Variants in RNF213 observed in about 807,000 individuals in gnomAD.
RNF213 encodes the protein ring finger protein 213.
Under a neutral mutation model 514.4 loss-of-function variants are expected in RNF213, and 341 were observed. That is an observed-to-expected ratio of 0.66 (90% CI 0.61 to 0.73). The LOEUF (loss-of-function observed/expected upper bound fraction) is 0.73, where lower values mean the gene tolerates loss of function less well. Among genes scored for constraint, RNF213 ranks in the 30% least tolerant of loss-of-function variants. The probability of loss-of-function intolerance (pLI) is 0.00; values close to 1 mark genes in which losing one functional copy is unlikely to be tolerated. For missense variants in RNF213, 5,767 were observed against 6,615.6 expected, an observed-to-expected ratio of 0.87 and a Z score of 4.45; for synonymous variants, 2,655 against 2,658.2, an observed-to-expected ratio of 1.00 and a Z score of 0.04.
At chr17:80,371,714 TA>T in intron 46 of RNF213, 159 bp from the exon 47 acceptor site, 1 of 585,922 alleles carries the variant, frequency 1.7e-6, no homozygotes, top group Non-Finnish European at 3.1e-6. Context: ...AGTATTATGC[TA>T]AAAGGTTTTC....
Position 80,369,492 on chromosome 17 carries a change from G to A in RNF213, c.12156-10G>A, listed in dbSNP as rs370576785. ...ACCATCCACCTGTCTTCTGTTTCTC[G>A]TGTTCTAAGGGAAGCCATTGAAAAG... On this transcript the variant is annotated splice_polypyrimidine_tract_variant and intron_variant, in intron 44 of 67. Transcript: ENST00000582970. 3.4e-4 allele frequency: 548 copies of A among 1,612,414 alleles called. No individual in the cohort carries two copies. The highest frequency in any genetic ancestry group is 4.1e-4 in the Non-Finnish European group (487 of 1,179,856).
At chr17:80,273,444 T>C (rs2043898252) in intron 3 of RNF213, 40 bp downstream of exon 3, 1 of 1,608,346 alleles carries the variant, frequency 6.2e-7, no homozygotes, top group African/African-American at 1.3e-5. Context: ...CCCCGCTCAC[T>C]CTGCCCAGGA....
At chr17:80,392,025 C>T (rs182387730) in intron 67 of RNF213, among the ~76,000 whole-genome samples, 69 of 152,120 alleles carry the variant, frequency 4.5e-4, no homozygotes, top group Middle Eastern at 6.8e-3. Context: ...GTCTCGGCCT[C>T]CCAAAGTGCT....
chr17:80,348,013 C>G lies in RNF213; in HGVS notation c.9678C>G (p.Cys3226Trp). The G allele has an allele frequency of 6.2e-7, 1 of 1,614,216 alleles. No homozygotes were observed. Residue 3226 changes from cysteine (C) to tryptophan (W), a missense_variant, in exon 29 of 68, where the codon TGC becomes TGG. Around this residue, in one of 13 missense-constraint regions of RNF213, gnomAD observed 919 missense variants for 1,121.0 expected, o/e 0.82. Transcript: ENST00000582970. ...TCATCGGCTACCACTCGGACGCCTGCGCGTCTGTGGTGCTGCAGGTCATAG... is the reference window on the plus strand; with the variant it reads ...TCATCGGCTACCACTCGGACGCCTGGGCGTCTGTGGTGCTGCAGGTCATAG... Reference protein sequence around the residue: ...DVFIGYHSDACASVVLQVIER... With the variant: ...DVFIGYHSDAWASVVLQVIER...
Position 80,389,815 on chromosome 17 carries a change from AT to A in RNF213, c.15196-11del. ...ACCTCAGCCCCCACTCAGGAATTCT[AT>A]TCCTTCTGCAGGCCTTAAACAGATG... On this transcript the variant is annotated splice_polypyrimidine_tract_variant and intron_variant, in intron 65 of 67. Transcript: ENST00000582970. 6.2e-7 allele frequency: 1 copy of A among 1,612,030 alleles called. No individual in the cohort carries two copies.
In RNF213 at chr17:80,397,440, C is replaced by T. The variant is rs185620803; in HGVS notation, c.*3942C>T. On this transcript the variant is annotated 3_prime_UTR_variant, in exon 68 of 68. Transcript: ENST00000582970. ...CCACAAGCAGACAGCCTGCACCACACCCTGGGCCTGGTAGTTAAAGATCGA... is the reference window on the plus strand; with the variant it reads ...CCACAAGCAGACAGCCTGCACCACATCCTGGGCCTGGTAGTTAAAGATCGA... 26 of 152,226 alleles carry T rather than the reference C, an allele frequency of 1.7e-4. No individual in the cohort carries two copies. The highest frequency in any genetic ancestry group is 1.5e-3 in the Admixed American group (23 of 15,292). The allele number at this position is 152,226 out of a possible 1,614,324, so 9.4% of individuals were successfully genotyped here.
intron 16 of RNF213, among the ~76,000 whole-genome samples, chr17:80,318,476 G>A (rs762764474): frequency 5.8e-4 from 88 of 152,230 alleles, no homozygotes; most frequent in Non-Finnish European, 1.2e-3. Flanking sequence ...GGAACCTCAT[G>A]ACACACAAGT....
At chr17:80,355,123 C>T (rs1489455272) in intron 36 of RNF213, 2 of 452,972 alleles carry the variant, frequency 4.4e-6, no homozygotes, top group East Asian at 1.4e-4. Flanking sequence ...CTCTTTAAGA[C>T]AGACTCTCAG....
chr17:80,359,779 CAGA>C (rs1323257213), intron 37 of RNF213, among the ~76,000 whole-genome samples: 3 of 152,292 alleles, frequency 2.0e-5, no homozygotes, highest in South Asian at 4.1e-4. Context: ...GTTCAGGAAC[CAGA>C]AGACTTGGTT....
intron 1 of RNF213, 137 bp downstream of exon 1, chr17:80,261,039 C>G (rs894077727): frequency 6.6e-6 from 1 of 151,938 alleles, no homozygotes; most frequent in Non-Finnish European, 1.5e-5. Flanking sequence ...CCTGCCGGCT[C>G]CAAGTTTCGG....
intron 3 of RNF213, among the ~76,000 whole-genome samples, chr17:80,278,469 T>TTGGCAGGGTGCCGTGAGCC (rs917742154): frequency 1.3e-5 from 2 of 152,166 alleles, no homozygotes; most frequent in Non-Finnish European, 1.5e-5. Flanking sequence ...TGCTGGGAGC[T>TTGGCAGGGTGCCGTGAGCC]TGGCAGGGTG....
intron 44 of RNF213, among the ~76,000 whole-genome samples, chr17:80,368,433 G>GTTTT (rs5822349): frequency 2.2e-5 from 3 of 137,076 alleles, no homozygotes; most frequent in African/African-American, 5.5e-5. Context: ...AGACGCCAGT[G>GTTTT]TTTTTTTTTT....
At chr17:80,327,639 C>G (rs756565129) in intron 18 of RNF213, among the ~76,000 whole-genome samples, 177 bp from the exon 19 acceptor site, 2 of 152,138 alleles carry the variant, frequency 1.3e-5, no homozygotes, top group African/African-American at 4.8e-5. Flanking sequence ...ACCTAACCCT[C>G]GTGGGGGAAA....
At chr17:80,354,324 G>C in intron 35 of RNF213, 117 bp from the exon 36 acceptor site, 1 of 1,548,226 alleles carries the variant, frequency 6.5e-7, no homozygotes, top group Non-Finnish European at 8.9e-7. Flanking sequence ...CTCAGATTTT[G>C]CTCTAGAATT....
chr17:80,279,914 G>A (rs2044198138), intron 3 of RNF213, among the ~76,000 whole-genome samples: 1 of 152,238 alleles, frequency 6.6e-6, no homozygotes, highest in Admixed American at 6.5e-5. Flanking sequence ...AGTGATGCTT[G>A]TGAAGTTTAT....
chr17:80,279,513 G>A (rs2044183250), intron 3 of RNF213, among the ~76,000 whole-genome samples: 2 of 151,478 alleles, frequency 1.3e-5, no homozygotes, highest in Non-Finnish European at 2.9e-5. Context: ...CGCCCAAGCT[G>A]GAGTGCAGTG....
At position 80,382,863 on chromosome 17, in the gene RNF213, G is replaced by A. The variant is rs958903763; in HGVS notation, c.13979-116G>A. 2.1e-5 allele frequency: 15 copies of A among 709,734 alleles called. No homozygotes were observed. The African/African-American group carries it at 2.5e-4, about 12-fold the overall frequency. The allele number at this position is 709,734 out of a possible 1,614,324, so 44.0% of individuals were successfully genotyped here. A position where few individuals can be genotyped will look rare whatever the true frequency, so the allele number is the denominator to read the frequency against. ...CAAAATACTTAGATTAATTTAGAAA[G>A]CTATTACCTCAAAACGAGTGTTATT... On this transcript the variant is annotated intron_variant, in intron 57 of 67. Transcript: ENST00000582970.
At position 80,291,727 on chromosome 17, in the gene RNF213, G is replaced by A. The variant is rs1568021703; in HGVS notation, c.1371G>A (p.Gly457=). 3 of 1,614,156 alleles carry A rather than the reference G, an allele frequency of 1.9e-6. No individual in the cohort carries two copies. Among genetic ancestry groups the A allele is most frequent in the Non-Finnish European group, 2.5e-6 (3 of 1,180,014 alleles). The change falls in exon 8 of 68, where the codon GGG becomes GGA. Residue 457 remains glycine (G), a synonymous_variant. Coordinates refer to ENST00000582970, the MANE Select transcript of RNF213 (RefSeq NM_001256071.3). ...YIPYKYVIYN[G]ESFEYEFIYK... ...CTTACAAGTACGTCATTTATAATGG[G>A]GAATCTTTTGAGTATGAGTTCATTT...
chr17:80,298,044 G>C (rs1163981134), intron 10 of RNF213, among the ~76,000 whole-genome samples: 1 of 152,198 alleles, frequency 6.6e-6, no homozygotes, highest in African/African-American at 2.4e-5. Flanking sequence ...TCAGGACCCT[G>C]CGTTGACTAC....
Sources: gnomAD v4.1 joint callset for allele counts (sites outside exome capture counted in the v4.1 genomes callset) on GRCh38, gnomAD v4.1.1 for gene constraint, gnomAD v4.1.1 regional missense constraint, MANE v1.5 for transcripts, NCBI Gene and HGNC (gene_info 2026-07-23, HGNC 2026-07-21) for gene names.